The following SYT16 variants were observed in gnomAD, a reference collection of about 807,000 sequenced individuals.
SYT16 encodes synaptotagmin-16.
Under a neutral mutation model 61.4 loss-of-function variants are expected in SYT16, and 42 were observed. That is an observed-to-expected ratio of 0.68 (90% CI 0.53 to 0.89). The LOEUF (loss-of-function observed/expected upper bound fraction) is 0.89. Among genes scored for constraint, SYT16 ranks in the 40% least tolerant of loss-of-function variants. SYT16 has a pLI of 0.00. For synonymous variants in SYT16, 314 were observed against 302.3 expected, an observed-to-expected ratio of 1.04 and a Z score of -0.40; for missense variants, 804 against 807.3, an observed-to-expected ratio of 1.00 and a Z score of 0.05.
At chr14:62,006,731 C>T (rs1425188516) in intron 3 of SYT16, among the ~76,000 whole-genome samples, 2 of 152,164 alleles carry the variant, frequency 1.3e-5, no homozygotes, top group Non-Finnish European at 2.9e-5. Flanking sequence ...AGTAGAGAAG[C>T]AGCTATGACA....
At chr14:61,998,307 G>A (rs2052852889) in intron 3 of SYT16, among the ~76,000 whole-genome samples, 1 of 151,796 alleles carries the variant, frequency 6.6e-6, no homozygotes, top group Non-Finnish European at 1.5e-5. Context: ...AGTATAAAAT[G>A]GTTTTGTTAT....
rs988412111 is a variant in SYT16, at chr14:62,100,491, G to A, written c.1722G>A (p.Lys574=). The A allele has an allele frequency of 1.1e-5, 17 of 1,613,484 alleles. No individual in the cohort carries two copies. The African/African-American group carries it at 2.3e-4, about 22-fold the overall frequency. ...GTGGTCAGCCCAATCCTGTCTATAAGGAGACCTTTGTTTTCCAGGTGGCCC... is the reference window on the plus strand; with the variant it reads ...GTGGTCAGCCCAATCCTGTCTATAAAGAGACCTTTGTTTTCCAGGTGGCCC... ...IRRGQPNPVY[K]ETFVFQVALF... Residue 574 remains lysine (K), a synonymous_variant, in exon 8 of 8, where the codon AAG becomes AAA. Transcript: ENST00000683842.
chr14:61,832,243 C>T, intron 1 of SYT16: 1 of 612,390 alleles, frequency 1.6e-6, no homozygotes, highest in Non-Finnish European at 3.2e-6. Flanking sequence ...ACGGGATAGT[C>T]ACGTCGATCC....
At chr14:62,062,803 G>A (rs554546726) in intron 3 of SYT16, among the ~76,000 whole-genome samples, 6 of 152,138 alleles carry the variant, frequency 3.9e-5, no homozygotes, top group East Asian at 3.9e-4. Context: ...AGTAGCACTC[G>A]GGTACTGCAC....
intron 1 of SYT16, among the ~76,000 whole-genome samples, chr14:61,841,170 A>C (rs1480662831): frequency 6.6e-6 from 1 of 152,230 alleles, no homozygotes; most frequent in African/African-American, 2.4e-5. Context: ...TCTTAGGGTT[A>C]TCTGGAAATA....
intron 1 of SYT16, among the ~76,000 whole-genome samples, chr14:61,873,919 G>T (rs1243234340): frequency 6.6e-6 from 1 of 152,196 alleles, no homozygotes; most frequent in Non-Finnish European, 1.5e-5. Context: ...TGAAATGTTG[G>T]ATATGTTTAG....
chr14:62,027,801 T>A (rs1330811524), intron 3 of SYT16, among the ~76,000 whole-genome samples: 1 of 152,130 alleles, frequency 6.6e-6, no homozygotes, highest in African/African-American at 2.4e-5. Flanking sequence ...TTAATTTGAG[T>A]CTTGTGTTCT....
intron 1 of SYT16, among the ~76,000 whole-genome samples, chr14:61,959,839 G>C (rs1341615034): frequency 1.3e-5 from 2 of 151,832 alleles, no homozygotes; most frequent in African/African-American, 4.8e-5. Context: ...GTTTTTTTGT[G>C]GGGCTCGGGG....
chr14:61,975,496 T>C lies in SYT16; in HGVS notation c.-145+5185T>C, dbSNP rs1453661916. On this transcript the variant is annotated intron_variant, in intron 2 of 7. Coordinates refer to ENST00000683842, the MANE Select transcript of SYT16 (RefSeq NM_001367656.1). Reference sequence around the variant, plus strand: ...GTAGAGGTCTCAGCAAACTTAATCATGATGGATGGTGAGGGGGAGACAGGA... The same window carrying C: ...GTAGAGGTCTCAGCAAACTTAATCACGATGGATGGTGAGGGGGAGACAGGA... Among the ~76,000 whole-genome samples, 9 of 152,266 alleles carry C rather than the reference T, an allele frequency of 5.9e-5. No homozygotes were observed. In the East Asian group the frequency reaches 1.7e-3, roughly 29 times the overall value.
At chr14:62,021,263 C>T (rs1485126975) in intron 3 of SYT16, among the ~76,000 whole-genome samples, 1 of 151,998 alleles carries the variant, frequency 6.6e-6, no homozygotes, top group African/African-American at 2.4e-5. Context: ...TTGGAATTTG[C>T]CTAGTGGGCA....
rs151277258 is a variant in SYT16, at chr14:61,964,937, A to T, written c.-324-5195A>T. On this transcript the variant is annotated intron_variant, in intron 1 of 7. Coordinates refer to ENST00000683842, the MANE Select transcript of SYT16 (RefSeq NM_001367656.1). Reference sequence around the variant, plus strand: ...GCAATAAAGTATTTTTAATTAAGGTATGCACATGGTTTTTTAAAGATATCC... The same window carrying T: ...GCAATAAAGTATTTTTAATTAAGGTTTGCACATGGTTTTTTAAAGATATCC... Among the ~76,000 whole-genome samples the T allele has an allele frequency of 7.7e-3, 1,173 of 151,854 alleles. 5 individuals carry two copies. The highest frequency in any genetic ancestry group is 0.017 in the Middle Eastern group (5 of 294).
At chr14:62,049,295 C>G (rs1327497143) in intron 3 of SYT16, among the ~76,000 whole-genome samples, 1 of 152,154 alleles carries the variant, frequency 6.6e-6, no homozygotes, top group African/African-American at 2.4e-5. Context: ...ACTAGGATTG[C>G]AAGCCCTGCC....
At chr14:61,864,977 G>T (rs905431688) in intron 1 of SYT16, 5 of 1,376,958 alleles carry the variant, frequency 3.6e-6, no homozygotes, top group Non-Finnish European at 5.2e-6. Context: ...TGCGAGTCTG[G>T]GCCCCTCTTA....
intron 7 of SYT16, among the ~76,000 whole-genome samples, chr14:62,087,695 C>T (rs942600887): frequency 2.0e-5 from 3 of 152,090 alleles, no homozygotes; most frequent in Non-Finnish European, 2.9e-5. Context: ...CCAACCTGAC[C>T]CGGTTAGATA....
chr14:61,901,957 T>TA (rs1341338215), intron 1 of SYT16, among the ~76,000 whole-genome samples: 2 of 151,980 alleles, frequency 1.3e-5, no homozygotes, highest in East Asian at 1.9e-4. Context: ...AGACAAGGTT[T>TA]CGCTATGTTG....
intron 1 of SYT16, among the ~76,000 whole-genome samples, chr14:61,917,460 G>T (rs1270391359): frequency 2.0e-5 from 3 of 152,094 alleles, no homozygotes; most frequent in Non-Finnish European, 4.4e-5. Context: ...TATTGAGGAA[G>T]GAAGCTATCT....
intron 1 of SYT16, among the ~76,000 whole-genome samples, chr14:61,823,160 T>G (rs2045665148): frequency 6.6e-6 from 1 of 152,044 alleles, no homozygotes; most frequent in African/African-American, 2.4e-5. Flanking sequence ...GCCCGGCTAA[T>G]TTTTTGTATT....
chr14:61,850,009 T>G (rs2046564193), intron 1 of SYT16, among the ~76,000 whole-genome samples: 1 of 152,248 alleles, frequency 6.6e-6, no homozygotes, highest in Admixed American at 6.5e-5. Context: ...CCACCAACAA[T>G]ATGAGTTTTC....
At chr14:61,916,662 G>T (rs536930084) in intron 1 of SYT16, among the ~76,000 whole-genome samples, 5 of 152,202 alleles carry the variant, frequency 3.3e-5, no homozygotes, top group African/African-American at 1.2e-4. Flanking sequence ...TCACCCTGCT[G>T]TGCTATCGAA....
Sources: allele counts gnomAD v4.1 joint callset (sites outside exome capture counted in the v4.1 genomes callset), GRCh38; gene constraint gnomAD v4.1.1; transcripts MANE v1.5; gene names NCBI Gene and HGNC (gene_info 2026-07-23, HGNC 2026-07-21).